SUMF1: variants seen among roughly 807,000 people sequenced by gnomAD.
The protein encoded by SUMF1 is formylglycine-generating enzyme.
A neutral mutation model predicts 47.6 loss-of-function variants in SUMF1; 48 were observed. The observed-to-expected ratio is 1.01, with a 90% CI of 0.80 to 1.28. The LOEUF is 1.28. Among genes scored for constraint, SUMF1 ranks in the 50% most tolerant of loss-of-function variants. SUMF1 has a pLI of 0.00. For missense variants in SUMF1, 571 were observed against 485.4 expected (o/e 1.18, Z -1.66); for synonymous variants, 230 against 192.1 (o/e 1.20, Z -1.63).
intron 8 of SUMF1, 62 bp downstream of exon 8, chr3:4,376,268 A>G: frequency 6.3e-7 from 1 of 1,584,670 alleles, no homozygotes; most frequent in Non-Finnish European, 8.7e-7. Context: ...TATCATTTAC[A>G]ATGGATCCAT....
chr3:4,210,924 T>C (rs897252076), intron 8 of SUMF1, among the ~76,000 whole-genome samples: 13 of 151,516 alleles, frequency 8.6e-5, no homozygotes, highest in African/African-American at 3.2e-4. Flanking sequence ...ATAAAAAGGC[T>C]AGACTGGCAT....
chr3:4,161,414 G>A (rs1006081769), intron 8 of SUMF1, among the ~76,000 whole-genome samples: 21 of 152,124 alleles, frequency 1.4e-4, no homozygotes, highest in Non-Finnish European at 8.8e-5. Context: ...GCCCTCGGTG[G>A]GTCCAGAGAT....
At chr3:4,303,085 C>T (rs1698012812) in intron 8 of SUMF1, among the ~76,000 whole-genome samples, 1 of 152,200 alleles carries the variant, frequency 6.6e-6, no homozygotes, top group Non-Finnish European at 1.5e-5. Context: ...GACAAATGAC[C>T]TCACCTCGAA....
At chr3:4,402,881 TAAC>T (rs1191201808) in intron 7 of SUMF1, among the ~76,000 whole-genome samples, 3 of 152,140 alleles carry the variant, frequency 2.0e-5, no homozygotes, top group Admixed American at 6.5e-5. Flanking sequence ...AATCGCTGTG[TAAC>T]AACATTTGGG....
chr3:4,275,651 G>C (rs1697399097), intron 8 of SUMF1, among the ~76,000 whole-genome samples: 1 of 152,112 alleles, frequency 6.6e-6, no homozygotes, highest in African/African-American at 2.4e-5. Context: ...CTGGGGATGA[G>C]GCCAACTTCT....
chr3:4,090,301 G>T (rs1692757877), intron 8 of SUMF1, among the ~76,000 whole-genome samples: 1 of 152,036 alleles, frequency 6.6e-6, no homozygotes, highest in Non-Finnish European at 1.5e-5. Context: ...GTCTGCATGG[G>T]TTTTCTCTAG....
chr3:4,422,790 T>A (rs1011086056), intron 3 of SUMF1, among the ~76,000 whole-genome samples: 2 of 152,004 alleles, frequency 1.3e-5, no homozygotes, highest in African/African-American at 4.8e-5. Flanking sequence ...AAAAAAATTA[T>A]GTATTTATTT....
rs75055194 is a variant in SUMF1 at position 4,235,846 on chromosome 3, C to A, written c.1014+140484G>T. On this transcript the variant is annotated intron_variant and NMD_transcript_variant, in intron 8 of 12. Coordinates refer to the SUMF1 transcript ENST00000448413. ...CATTCAACGCTGCCCTGAATCACTG[C>A]TTCCCTCCCCACCTGCCATGCTACT... 8.7e-3 allele frequency among the ~76,000 whole-genome samples: 1,320 copies of A among 152,178 alleles called. 19 individuals are homozygous for A. Among genetic ancestry groups the A allele is most frequent in the African/African-American group, 0.03 (1,235 of 41,518 alleles).
intron 8 of SUMF1, among the ~76,000 whole-genome samples, chr3:4,100,781 A>G (rs1305428781): frequency 2.0e-5 from 3 of 152,134 alleles, no homozygotes; most frequent in Non-Finnish European, 4.4e-5. Context: ...TTCAAAATAT[A>G]TAAAGAACTC....
At chr3:4,367,529 T>C (rs973819063) in intron 8 of SUMF1, among the ~76,000 whole-genome samples, 5 of 151,556 alleles carry the variant, frequency 3.3e-5, no homozygotes, top group Non-Finnish European at 7.4e-5. Context: ...CATCACCAAG[T>C]CAATCCTAAG....
intron 8 of SUMF1, among the ~76,000 whole-genome samples, chr3:4,339,676 G>A (rs1326092598): frequency 6.6e-6 from 1 of 152,190 alleles, no homozygotes; most frequent in Non-Finnish European, 1.5e-5. Context: ...GCAATTAGAT[G>A]AATACATCTT....
chr3:4,417,548 T>A (rs1398223637), intron 5 of SUMF1, among the ~76,000 whole-genome samples: 1 of 152,166 alleles, frequency 6.6e-6, no homozygotes. Context: ...ACTTATATGG[T>A]AGTGTGATCA....
chr3:4,048,305 A>C (rs980905071), intron 9 of SUMF1, among the ~76,000 whole-genome samples: 2 of 152,174 alleles, frequency 1.3e-5, no homozygotes, highest in African/African-American at 4.8e-5. Context: ...ACAAACATTT[A>C]ATAGCATATA....
At chr3:4,372,349 C>G (rs916036096) in intron 8 of SUMF1, among the ~76,000 whole-genome samples, 8 of 152,118 alleles carry the variant, frequency 5.3e-5, no homozygotes, top group African/African-American at 1.2e-4. Context: ...GGCCCATGAT[C>G]AAAAATAAGT....
chr3:4,113,441 A>ATTCCCTGAGCCAGGAGGT (rs1172998602), intron 8 of SUMF1, among the ~76,000 whole-genome samples: 20 of 152,124 alleles, frequency 1.3e-4, no homozygotes, highest in Admixed American at 1.1e-3. Flanking sequence ...AGGCAGGAGG[A>ATTCCCTGAGCCAGGAGGT]TTCCCTGAGC....
chr3:4,332,042 T>C (rs1699061974), intron 8 of SUMF1, among the ~76,000 whole-genome samples: 1 of 152,224 alleles, frequency 6.6e-6, no homozygotes, highest in Admixed American at 6.5e-5. Context: ...TAAAGATTAA[T>C]AAAGTCATGT....
chr3:4,110,178 C>G (rs1044868287), intron 8 of SUMF1, among the ~76,000 whole-genome samples: 17 of 152,102 alleles, frequency 1.1e-4, no homozygotes, highest in African/African-American at 3.9e-4. Context: ...CTGGAGTTTG[C>G]TGGAGGTCCA....
chr3:4,189,646 T>G (rs551825824), intron 8 of SUMF1, among the ~76,000 whole-genome samples: 1 of 151,980 alleles, frequency 6.6e-6, no homozygotes, highest in South Asian at 2.1e-4. Flanking sequence ...ATATAAAAAG[T>G]AGGGCAAGAG....
intron 9 of SUMF1, among the ~76,000 whole-genome samples, chr3:4,067,032 GT>G (rs1472398087): frequency 2.6e-5 from 4 of 152,108 alleles, no homozygotes; most frequent in African/African-American, 4.8e-5. Flanking sequence ...TTATCCCCTG[GT>G]AATCAGGACC....
Sources: gnomAD v4.1 joint callset for allele counts (sites outside exome capture counted in the v4.1 genomes callset) on GRCh38, gnomAD v4.1.1 for gene constraint, MANE v1.5 for transcripts, NCBI Gene and HGNC (gene_info 2026-07-23, HGNC 2026-07-21) for gene names.